Variants in SFMBT1 observed in about 807,000 individuals in gnomAD.
SFMBT1 encodes the protein scm-like with four MBT domains protein 1.
SFMBT1 carries 32 observed loss-of-function variants against 108.7 expected under a neutral mutation model. The ratio of observed to expected loss-of-function variants is 0.29; its 90% CI spans 0.22 to 0.40. The LOEUF is 0.40. Ranked by LOEUF, SFMBT1 falls within the 10% of genes least tolerant of loss-of-function variation. SFMBT1 has a pLI of 1.00. For synonymous variants in SFMBT1, 348 were observed against 369.5 expected (o/e 0.94, Z 0.67); for missense variants, 816 against 1,059.6 (o/e 0.77, Z 3.19).
intron 2 of SFMBT1, among the ~76,000 whole-genome samples, chr3:52,954,799 T>C (rs1703726064): frequency 6.6e-6 from 1 of 152,132 alleles, no homozygotes; most frequent in Non-Finnish European, 1.5e-5. Context: ...AATTTTCAAC[T>C]TGATCCTTTC....
intron 2 of SFMBT1, 115 bp downstream of exon 2, chr3:52,968,986 C>T: frequency 7.9e-7 from 1 of 1,258,636 alleles, no homozygotes; most frequent in Non-Finnish European, 1.1e-6. Context: ...CAATGAAAAA[C>T]AACTTAAGAC....
chr3:52,974,833 T>TAAA (rs10646648), intron 1 of SFMBT1, among the ~76,000 whole-genome samples: 8,127 of 90,574 alleles, frequency 0.09, 331 homozygotes, highest in Non-Finnish European at 0.11. Flanking sequence ...CTATAAAAAG[T>TAAA]AAAAAAAAAA....
Position 52,934,859 on chromosome 3 carries a change from T to C in SFMBT1, c.407A>G (p.Gln136Arg). The change falls in exon 5 of 21, where the codon CAG (glutamine) becomes CGG (arginine). Residue 136 changes from glutamine (Q) to arginine (R), a missense_variant. Transcript: ENST00000394752. ...AGGACTACATGCTCCTATCAGGGTC[T>C]GCCGCAGAAACTCATCCCAGTCAGA... Reference protein sequence around the residue: ...KVSDWDEFLRQTLIGACSPPV... With the variant: ...KVSDWDEFLRRTLIGACSPPV... 6.2e-7 allele frequency: 1 copy of C among 1,613,780 alleles called. No homozygotes were observed. The highest frequency in any genetic ancestry group is 8.5e-7 in the Non-Finnish European group (1 of 1,179,816).
rs536835281 is a variant in SFMBT1, at chr3:52,930,582, T to C, written c.796-152A>G. The C allele has an allele frequency of 2.3e-4, 136 of 594,000 alleles. 2 individuals are homozygous for C. The South Asian group carries it at 3.1e-3, about 14-fold the overall frequency. 36.8% of individuals were successfully genotyped at this position (594,000 alleles called of 1,614,324 possible). A position where few individuals can be genotyped will look rare whatever the true frequency, so the allele number is the denominator to read the frequency against. On this transcript the variant is annotated intron_variant, in intron 7 of 20. Coordinates refer to ENST00000394752, the MANE Select transcript of SFMBT1 (RefSeq NM_016329.4). The stretch of plus-strand genomic sequence containing the variant: ...TGTGCAAAACTATCCAATATAATTT[T>C]CTACTCTGGAAAAAACTATCCAGGA...
chr3:52,955,390 G>A (rs1320843126), intron 2 of SFMBT1, among the ~76,000 whole-genome samples: 3 of 151,932 alleles, frequency 2.0e-5, no homozygotes, highest in South Asian at 2.1e-4. Flanking sequence ...TCCAGCCTGG[G>A]TGACGGAGCG....
chr3:52,955,177 C>G (rs1044824311), intron 2 of SFMBT1, among the ~76,000 whole-genome samples: 1 of 152,102 alleles, frequency 6.6e-6, no homozygotes, highest in African/African-American at 2.4e-5. Context: ...CTTTGGGAGG[C>G]TGAGGTGGGC....
At chr3:52,982,661 G>A (rs56038605) in intron 1 of SFMBT1, among the ~76,000 whole-genome samples, 1,910 of 146,156 alleles carry the variant, frequency 0.013, 45 homozygotes, top group African/African-American at 0.046. Flanking sequence ...CCCAGGAGGC[G>A]GAGGTTGAAG....
intron 2 of SFMBT1, among the ~76,000 whole-genome samples, chr3:52,965,393 T>C (rs1478419686): frequency 7.0e-6 from 1 of 143,654 alleles, no homozygotes; most frequent in East Asian, 2.1e-4. Context: ...CCAAAAAATA[T>C]ATACACCAGA....
chr3:53,018,679 C>T (rs1261843254), intron 1 of SFMBT1, among the ~76,000 whole-genome samples: 1 of 152,218 alleles, frequency 6.6e-6, no homozygotes, highest in Non-Finnish European at 1.5e-5. Flanking sequence ...TACAGCCTCA[C>T]CTAACTCACT....
At chr3:53,013,714 C>T (rs936739815) in intron 1 of SFMBT1, among the ~76,000 whole-genome samples, 8 of 147,158 alleles carry the variant, frequency 5.4e-5, no homozygotes, top group East Asian at 2.0e-4. Context: ...CTGCAACCTC[C>T]GCCTCCTGGG....
intron 1 of SFMBT1, among the ~76,000 whole-genome samples, chr3:52,976,428 T>C (rs1704522220): frequency 6.6e-6 from 1 of 152,088 alleles, no homozygotes; most frequent in South Asian, 2.1e-4. Context: ...GCTATCCATT[T>C]TGGGAGGAAA....
chr3:53,013,287 C>T (rs1699015541), intron 1 of SFMBT1, among the ~76,000 whole-genome samples: 1 of 151,662 alleles, frequency 6.6e-6, no homozygotes, highest in Admixed American at 6.6e-5. Context: ...GGTAATCATT[C>T]TTCAATCTTT....
intron 1 of SFMBT1, among the ~76,000 whole-genome samples, chr3:52,996,603 C>A (rs1262109316): frequency 6.7e-6 from 1 of 150,042 alleles, no homozygotes; most frequent in East Asian, 1.9e-4. Context: ...TAATTAGTCA[C>A]TAGGGAAATA....
At chr3:52,995,826 C>T (rs1698306445) in intron 1 of SFMBT1, among the ~76,000 whole-genome samples, 1 of 149,806 alleles carries the variant, frequency 6.7e-6, no homozygotes, top group African/African-American at 2.4e-5. Context: ...AATCTTAGCA[C>T]TTTGGGAGGC....
chr3:52,999,889 C>T (rs575512800), intron 1 of SFMBT1, among the ~76,000 whole-genome samples: 84 of 149,954 alleles, frequency 5.6e-4, no homozygotes, highest in African/African-American at 1.9e-3. Flanking sequence ...GACAGAGTAT[C>T]GCTCTGTCGC....
At chr3:52,913,024 C>T (rs937703947) in intron 15 of SFMBT1, among the ~76,000 whole-genome samples, 6 of 152,180 alleles carry the variant, frequency 3.9e-5, no homozygotes, top group South Asian at 2.1e-4. Flanking sequence ...CTGGTCCAGA[C>T]GCTCTGGCTT....
At chr3:52,959,063 G>T (rs369746981) in intron 2 of SFMBT1, among the ~76,000 whole-genome samples, 1 of 151,970 alleles carries the variant, frequency 6.6e-6, no homozygotes, top group African/African-American at 2.4e-5. Flanking sequence ...ACTTATAAGT[G>T]GGAGCTGAAC....
At chr3:53,005,701 T>C (rs1217341340) in intron 1 of SFMBT1, among the ~76,000 whole-genome samples, 1 of 152,202 alleles carries the variant, frequency 6.6e-6, no homozygotes, top group Admixed American at 6.5e-5. Context: ...ACACAACATG[T>C]GTTTCAGGCA....
intron 17 of SFMBT1, among the ~76,000 whole-genome samples, chr3:52,910,793 G>A (rs1702196173): frequency 6.6e-6 from 1 of 152,118 alleles, no homozygotes; most frequent in African/African-American, 2.4e-5. Context: ...CCGGCCAAAA[G>A]GGTTCTTAAA....
Sources: allele counts gnomAD v4.1 joint callset (sites outside exome capture counted in the v4.1 genomes callset), GRCh38; gene constraint gnomAD v4.1.1; transcripts MANE v1.5; gene names NCBI Gene and HGNC (gene_info 2026-07-23, HGNC 2026-07-21).